Variants in TGFBRAP1 observed in about 807,000 individuals in gnomAD.
TGFBRAP1 encodes transforming growth factor beta receptor associated protein 1.
A neutral mutation model predicts 83.2 loss-of-function variants in TGFBRAP1; 20 were observed. That is an observed-to-expected ratio of 0.24 (90% CI 0.17 to 0.35). The LOEUF (loss-of-function observed/expected upper bound fraction) is 0.35, where lower values mean the gene tolerates loss of function less well. Among genes scored for constraint, TGFBRAP1 ranks in the 10% least tolerant of loss-of-function variants. The pLI, the probability that TGFBRAP1 is intolerant of heterozygous loss-of-function variation, is 1.00. For missense variants in TGFBRAP1, 950 were observed against 1,099.4 expected, an observed-to-expected ratio of 0.86 and a Z score of 1.92; for synonymous variants, 415 against 459.8, an observed-to-expected ratio of 0.90 and a Z score of 1.25.
At chr2:105,314,498 T>A (rs1678790178) in intron 1 of TGFBRAP1, among the ~76,000 whole-genome samples, 1 of 151,602 alleles carries the variant, frequency 6.6e-6, no homozygotes, top group South Asian at 2.1e-4. Context: ...GATCCACCTG[T>A]CTCAGCCTCC....
At chr2:105,323,751 TG>T (rs1573225947) in intron 1 of TGFBRAP1, among the ~76,000 whole-genome samples, 1 of 152,286 alleles carries the variant, frequency 6.6e-6, no homozygotes, top group South Asian at 2.1e-4. Context: ...CCAATTCCCA[TG>T]GGGGGTTTGA....
chr2:105,320,759 C>CA, intron 1 of TGFBRAP1, among the ~76,000 whole-genome samples: 1 of 152,152 alleles, frequency 6.6e-6, no homozygotes, highest in East Asian at 1.9e-4. Flanking sequence ...TGCTGAGTTC[C>CA]AAAGAGCCTG....
chr2:105,314,250 T>TCTC (rs1051087117), intron 1 of TGFBRAP1, among the ~76,000 whole-genome samples: 3 of 80,128 alleles, frequency 3.7e-5, no homozygotes, highest in African/African-American at 2.9e-4. Context: ...GTACTTTCTC[T>TCTC]TTTTTTTTTT....
At position 105,269,705 on chromosome 2, in the gene TGFBRAP1, T is replaced by G. The variant is rs899349665; in HGVS notation, c.1973A>C (p.Glu658Ala). The G allele has an allele frequency of 2.0e-6, 3 of 1,521,592 alleles. No individual in the cohort carries two copies. In the African/African-American group the frequency reaches 4.1e-5, roughly 21 times the overall value. The allele number at this position is 1,521,592 out of a possible 1,614,324, so 94.3% of individuals were successfully genotyped here. The change falls in exon 11 of 12, where the codon GAG (glutamate) becomes GCG (alanine). Residue 658 changes from glutamate to alanine, a missense_variant and splice_region_variant. Transcript: ENST00000393359. The surrounding 1 kb of genome is among the most constrained non-coding windows in gnomAD (Gnocchi z 4.1). ...GGGCAGGCCAGCTCCCTGCAGCCTC[T>G]CTGCAAGACAGAACCTGCAGCTCAG... Reference protein sequence around the residue: ...SDLYRVHFLLERLQGAGLPME... With the variant: ...SDLYRVHFLLARLQGAGLPME...
chr2:105,327,128 C>T (rs556910358), intron 1 of TGFBRAP1: 1 of 152,254 alleles, frequency 6.6e-6, no homozygotes, highest in African/African-American at 2.4e-5. Context: ...AAGATGAAGA[C>T]ACTTAACCCA....
At chr2:105,264,362 G>T (rs1259310108), downstream of TGFBRAP1, 1 of 152,214 alleles carries the variant, frequency 6.6e-6, no homozygotes, top group Non-Finnish European at 1.5e-5. Flanking sequence ...AGAAGGTACA[G>T]ATTCTAGAAC....
rs1558661206 is a variant in TGFBRAP1, at chr2:105,329,706, C to CGGCTCCTGGGCTGGT, written c.-100_-99insACCAGCCCAGGAGCC. 19 of 146,624 alleles carry CGGCTCCTGGGCTGGT rather than the reference C, an allele frequency of 1.3e-4. No homozygotes were observed. Among genetic ancestry groups the CGGCTCCTGGGCTGGT allele is most frequent in the African/African-American group, 4.4e-4 (18 of 40,726 alleles). The allele number at this position is 146,624 out of a possible 1,614,324, so 9.1% of individuals were successfully genotyped here. ...CTCCGGCCCGCGGCTCCTGGGCTGG[C>CGGCTCCTGGGCTGGT]CCGACCCCGCAGCCGCCGCTTCCCG... On this transcript the variant is annotated 5_prime_UTR_variant, in exon 1 of 12. Transcript: ENST00000393359.
At position 105,269,351 on chromosome 2, in the gene TGFBRAP1, T is replaced by C. The variant is rs1057403041; in HGVS notation, c.2327A>G (p.Asp776Gly). 9.3e-6 allele frequency: 15 copies of C among 1,614,028 alleles called. No homozygotes were observed. Among genetic ancestry groups the C allele is most frequent in the Non-Finnish European group, 1.3e-5 (15 of 1,179,974 alleles). Residue 776 changes from aspartate (D) to glycine (G), a missense_variant, in exon 11 of 12, where the codon GAC becomes GGC. Physicochemically the swap from Asp to Gly is moderately conservative, Grantham distance 94. Coordinates refer to ENST00000393359, the MANE Select transcript of TGFBRAP1 (RefSeq NM_004257.6). The surrounding 1 kb of genome is among the most constrained non-coding windows in gnomAD (Gnocchi z 4.1). Reference sequence around the variant, plus strand: ...CATGGTCCTCCTGGCATGGATGCTGTCCCTCATGGCCCCCATCAGGAATGG... The same window carrying C: ...CATGGTCCTCCTGGCATGGATGCTGCCCCTCATGGCCCCCATCAGGAATGG... ...LCPFLMGAMRDSIHARRTMQV... is the reference protein window; with the variant it reads ...LCPFLMGAMRGSIHARRTMQV...
chr2:105,284,717 C>T (rs1306910330), intron 4 of TGFBRAP1, among the ~76,000 whole-genome samples: 5 of 152,096 alleles, frequency 3.3e-5, no homozygotes, highest in East Asian at 1.9e-4. Context: ...GTCCAGGAAC[C>T]GCCTGGCCTT....
chr2:105,318,165 G>T (rs781057581), intron 1 of TGFBRAP1, among the ~76,000 whole-genome samples: 3 of 152,170 alleles, frequency 2.0e-5, no homozygotes, highest in Non-Finnish European at 4.4e-5. Flanking sequence ...AAAGTCCACA[G>T]CAATCCTGTT....
the TGFBRAP1 span, among the ~76,000 whole-genome samples, chr2:105,256,211 C>T: frequency 9.9e-5 from 15 of 152,196 alleles, 1 homozygote; most frequent in Non-Finnish European, 2.9e-5. Flanking sequence ...AATTGTTGCT[C>T]TTTCCATAGC....
chr2:105,270,405 C>A (rs1218328470), intron 10 of TGFBRAP1, among the ~76,000 whole-genome samples: 1 of 152,130 alleles, frequency 6.6e-6, no homozygotes, highest in Non-Finnish European at 1.5e-5. Context: ...CCATCTGTAA[C>A]CCCATCTGTA....
At chr2:105,264,276 C>T (rs1313930747), downstream of TGFBRAP1, 1 of 152,130 alleles carries the variant, frequency 6.6e-6, no homozygotes, top group Non-Finnish European at 1.5e-5. Context: ...GAAGCAGACA[C>T]GTTAAAATTT....
chr2:105,273,731 C>A, intron 8 of TGFBRAP1, 41 bp from the exon 9 acceptor site: 1 of 1,594,722 alleles, frequency 6.3e-7, no homozygotes, highest in South Asian at 1.1e-5. Context: ...GCTTCCCAAA[C>A]CCACCTTTCC....
Position 105,275,674 on chromosome 2 carries a change from G to A in TGFBRAP1, c.1551C>T (p.Val517=), listed in dbSNP as rs1677316700. ...ACAGGTCTGAGCGTGTGGAGTCCTG[G>A]ACATCGCCATTCACAATGTTCACCC... ...QLWVNIVNGD[V]QDSTRSDLYE... is the part of the protein sequence containing the mutation. Residue 517 remains valine, a synonymous_variant, in exon 8 of 12, where the codon GTC becomes GTT. Transcript: ENST00000393359. 3.1e-6 allele frequency: 5 copies of A among 1,612,012 alleles called. No individual in the cohort carries two copies. Among genetic ancestry groups the A allele is most frequent in the East Asian group, 2.2e-5 (1 of 44,844 alleles).
chr2:105,311,263 C>A (rs1046078302), intron 1 of TGFBRAP1, among the ~76,000 whole-genome samples: 9 of 151,824 alleles, frequency 5.9e-5, no homozygotes, highest in African/African-American at 1.9e-4. Flanking sequence ...GTTATTCAAG[C>A]CTTGCTAAAG....
the TGFBRAP1 span, among the ~76,000 whole-genome samples, chr2:105,250,568 T>C: frequency 1.1e-5 from 1 of 91,388 alleles, no homozygotes; most frequent in South Asian, 3.1e-4. Flanking sequence ...GAAAGGCTCC[T>C]CCTCTCCCTC....
rs1460335753 is a variant in TGFBRAP1 at position 105,269,771 on chromosome 2, T to G, written c.1973-66A>C. On this transcript the variant is annotated intron_variant, in intron 10 of 11. Coordinates refer to ENST00000393359, the MANE Select transcript of TGFBRAP1 (RefSeq NM_004257.6). This position sits in a 1 kb window ranked among gnomAD's most constrained non-coding sequence, Gnocchi z 4.1. ...CCGGCCACCCGCCCAGCGACTGGCC[T>G]CCTTGCTGCTCTGGGCTTCAGGAGG... 9.9e-6 allele frequency: 14 copies of G among 1,421,038 alleles called. No individual in the cohort carries two copies. The highest frequency in any genetic ancestry group is 1.3e-5 in the Non-Finnish European group (14 of 1,086,404). 88.0% of individuals were successfully genotyped at this position (1,421,038 alleles called of 1,614,324 possible).
At chr2:105,253,045 C>T in the TGFBRAP1 span, among the ~76,000 whole-genome samples, 6 of 152,102 alleles carry the variant, frequency 3.9e-5, no homozygotes, top group Non-Finnish European at 8.8e-5. Flanking sequence ...TGAGCCACCA[C>T]GCCCAGCCAA....
Sources: gnomAD v4.1 joint callset for allele counts (sites outside exome capture counted in the v4.1 genomes callset) on GRCh38, gnomAD v4.1.1 for gene constraint, Gnocchi (gnomAD v3.1) non-coding constraint, MANE v1.5 for transcripts, NCBI Gene and HGNC (gene_info 2026-07-23, HGNC 2026-07-21) for gene names.